The following CACNG4 variants were observed in gnomAD, a reference collection of about 807,000 sequenced individuals.
The protein encoded by CACNG4 is voltage-dependent calcium channel gamma-4 subunit.
CACNG4 carries 8 observed loss-of-function variants against 22.9 expected under a neutral mutation model. That is an observed-to-expected ratio of 0.35 (90% confidence interval 0.21 to 0.63). The LOEUF is 0.63. Among genes scored for constraint, CACNG4 ranks in the 30% least tolerant of loss-of-function variants. The probability of loss-of-function intolerance (pLI) is 0.72; values close to 1 mark genes in which losing one functional copy is unlikely to be tolerated. For synonymous variants in CACNG4, 188 were observed against 191.9 expected, an observed-to-expected ratio of 0.98 and a Z score of 0.17; for missense variants, 357 against 455.4, an observed-to-expected ratio of 0.78 and a Z score of 1.97.
chr17:67,003,912 T>C (rs2035422561), intron 1 of CACNG4, among the ~76,000 whole-genome samples: 1 of 151,954 alleles, frequency 6.6e-6, no homozygotes, highest in Non-Finnish European at 1.5e-5. Context: ...GTGAAGTGAG[T>C]GGGGTGAAGT....
intron 1 of CACNG4, among the ~76,000 whole-genome samples, chr17:66,994,840 G>T (rs927772747): frequency 6.6e-6 from 1 of 152,168 alleles, no homozygotes. Context: ...GGAGGGGGAG[G>T]GAGTGAGAGG....
At chr17:67,029,653 C>T (rs892207995) in intron 3 of CACNG4, among the ~76,000 whole-genome samples, 1 of 151,748 alleles carries the variant, frequency 6.6e-6, no homozygotes, top group African/African-American at 2.4e-5. Flanking sequence ...AACAAACAAA[C>T]AAACAAAAAC....
At position 66,984,761 on chromosome 17, in the gene CACNG4, T is replaced by C. The variant is rs1179580673; in HGVS notation, c.220+19630T>C. On this transcript the variant is annotated intron_variant, in intron 1 of 3. Coordinates refer to ENST00000262138, the MANE Select transcript of CACNG4 (RefSeq NM_014405.4). The surrounding 1 kb of genome is among the most constrained non-coding windows in gnomAD (Gnocchi z 4.0). ...CTCATAACCCCACAGGAAGGTGGGT[T>C]CTGTCACCCTGGATTCTTCACCCAG... is the stretch of plus-strand genomic sequence containing the variant. Among the ~76,000 whole-genome samples the C allele has an allele frequency of 6.6e-6, 1 of 152,054 alleles. No individual in the cohort carries two copies. The highest frequency in any genetic ancestry group is 1.5e-5 in the Non-Finnish European group (1 of 68,012).
At chr17:66,994,327 C>CAAAA (rs142191712) in intron 1 of CACNG4, among the ~76,000 whole-genome samples, 1 of 125,680 alleles carries the variant, frequency 8.0e-6, no homozygotes, top group Admixed American at 8.4e-5. Flanking sequence ...ACCCTATTTC[C>CAAAA]AAAAAAAAAA....
chr17:66,982,120 T>G (rs1391386166), intron 1 of CACNG4, among the ~76,000 whole-genome samples: 2 of 151,952 alleles, frequency 1.3e-5, no homozygotes, highest in Non-Finnish European at 2.9e-5. Context: ...ACCCAAAGAG[T>G]GAGCAGCAGC....
intron 3 of CACNG4, among the ~76,000 whole-genome samples, chr17:67,025,899 C>T (rs906186217): frequency 6.6e-6 from 1 of 151,238 alleles, no homozygotes; most frequent in Non-Finnish European, 1.5e-5. Context: ...GCCAAGGTGC[C>T]GGGCCCCGGT....
At chr17:67,019,811 A>G (rs750126780) in intron 2 of CACNG4, 1 of 152,214 alleles carries the variant, frequency 6.6e-6, no homozygotes, top group Non-Finnish European at 1.5e-5. Context: ...TCTCTGTCCC[A>G]TTCATGGTCC....
chr17:66,988,528 C>T (rs1400931420), intron 1 of CACNG4, among the ~76,000 whole-genome samples: 1 of 152,120 alleles, frequency 6.6e-6, no homozygotes, highest in Non-Finnish European at 1.5e-5. Flanking sequence ...GCAGGGCCTC[C>T]CCGCCCATCC....
chr17:67,028,024 A>AAAAT (rs930418564), intron 3 of CACNG4, among the ~76,000 whole-genome samples: 1 of 152,000 alleles, frequency 6.6e-6, no homozygotes, highest in African/African-American at 2.4e-5. Flanking sequence ...TGTCTCAAAA[A>AAAAT]AAATAAATAA....
chr17:66,977,165 C>G (rs1039474269), intron 1 of CACNG4, among the ~76,000 whole-genome samples: 5 of 152,214 alleles, frequency 3.3e-5, no homozygotes, highest in African/African-American at 1.2e-4. Flanking sequence ...ACTGGTCACT[C>G]TCCCTGCTCT....
chr17:66,983,579 G>A (rs1279095586), intron 1 of CACNG4, among the ~76,000 whole-genome samples: 1 of 152,158 alleles, frequency 6.6e-6, no homozygotes, highest in Non-Finnish European at 1.5e-5. Flanking sequence ...AACAACGCAC[G>A]ATGCCAGGCC....
At chr17:66,974,446 C>T (rs941960611) in intron 1 of CACNG4, among the ~76,000 whole-genome samples, 9 of 152,134 alleles carry the variant, frequency 5.9e-5, no homozygotes, top group African/African-American at 2.2e-4. Flanking sequence ...GGGGTTGGAC[C>T]TCTAGAGTTC....
At chr17:67,014,643 T>TA (rs146205809) in intron 1 of CACNG4, among the ~76,000 whole-genome samples, 8,971 of 151,838 alleles carry the variant, frequency 0.059, 752 homozygotes, top group African/African-American at 0.19. Flanking sequence ...AAACCGCCAG[T>TA]AAAAAAATGG....
chr17:66,980,664 C>A (rs546588867), intron 1 of CACNG4, among the ~76,000 whole-genome samples: 14 of 138,222 alleles, frequency 1.0e-4, no homozygotes, highest in African/African-American at 3.7e-4. Context: ...ACTCTATTGC[C>A]CAGGTTGGAG....
chr17:66,974,539 G>A (rs2035224211), intron 1 of CACNG4, among the ~76,000 whole-genome samples: 1 of 152,150 alleles, frequency 6.6e-6, no homozygotes, highest in Non-Finnish European at 1.5e-5. Flanking sequence ...TGGAAAGTGG[G>A]ATAATGAGGC....
intron 1 of CACNG4, among the ~76,000 whole-genome samples, chr17:66,966,708 T>C (rs186478204): frequency 3.9e-4 from 60 of 152,324 alleles, no homozygotes; most frequent in African/African-American, 1.4e-3. Flanking sequence ...CTTTGCAATT[T>C]GGAGCCTAAT....
At chr17:66,989,142 CT>C (rs1489250526) in intron 1 of CACNG4, among the ~76,000 whole-genome samples, 1 of 149,520 alleles carries the variant, frequency 6.7e-6, no homozygotes, top group Non-Finnish European at 1.5e-5. Context: ...TTCCCGGCAT[CT>C]TTAGCTTCAG....
At chr17:66,981,953 A>G (rs1479292412) in intron 1 of CACNG4, among the ~76,000 whole-genome samples, 1 of 152,226 alleles carries the variant, frequency 6.6e-6, no homozygotes, top group Non-Finnish European at 1.5e-5. Context: ...AAATTTTTAG[A>G]GATACGGTCT....
intron 1 of CACNG4, among the ~76,000 whole-genome samples, chr17:67,006,475 C>T (rs2035438574): frequency 6.6e-6 from 1 of 152,140 alleles, no homozygotes; most frequent in Non-Finnish European, 1.5e-5. Flanking sequence ...CCTCCCCAGG[C>T]AAGGTCCCTT....
Sources: gnomAD v4.1 joint callset for allele counts (sites outside exome capture counted in the v4.1 genomes callset) on GRCh38, gnomAD v4.1.1 for gene constraint, Gnocchi (gnomAD v3.1) non-coding constraint, MANE v1.5 for transcripts, NCBI Gene and HGNC (gene_info 2026-07-23, HGNC 2026-07-21) for gene names.